MIA2: variants seen among roughly 807,000 people sequenced by gnomAD.
MIA2 encodes melanoma inhibitory activity protein 2.
A neutral mutation model predicts 167.8 loss-of-function variants in MIA2; 127 were observed. That is an observed-to-expected ratio of 0.76 (90% CI 0.66 to 0.88). The LOEUF (loss-of-function observed/expected upper bound fraction) is 0.88, where lower values mean the gene tolerates loss of function less well. MIA2 is among the 40% of genes least tolerant of loss of function. The pLI is 0.00. For synonymous variants in MIA2, 552 were observed against 541.9 expected, an observed-to-expected ratio of 1.02 and a Z score of -0.26; for missense variants, 1,690 against 1,624.7, an observed-to-expected ratio of 1.04 and a Z score of -0.69.
At chr14:39,351,521 A>T (rs80124077), downstream of MIA2, 3 of 152,198 alleles carry the variant, frequency 2.0e-5, no homozygotes, top group Non-Finnish European at 4.4e-5. Context: ...CAAAATTCTT[A>T]TGTTGAAATA....
At chr14:39,257,931 T>C (rs932772632) in intron 6 of MIA2, among the ~76,000 whole-genome samples, 1 of 152,248 alleles carries the variant, frequency 6.6e-6, no homozygotes, top group Non-Finnish European at 1.5e-5. Flanking sequence ...TTCTGGCTTA[T>C]AGGATTTCTG....
At chr14:39,315,893 A>G (rs2065325420) in intron 21 of MIA2, among the ~76,000 whole-genome samples, 175 bp downstream of exon 21, 1 of 152,208 alleles carries the variant, frequency 6.6e-6, no homozygotes, top group Admixed American at 6.5e-5. Flanking sequence ...CAACACAGTT[A>G]TTAGAAAAAT....
chr14:39,309,208 C>T (rs539021469), intron 18 of MIA2, among the ~76,000 whole-genome samples: 3 of 152,244 alleles, frequency 2.0e-5, no homozygotes, highest in South Asian at 2.1e-4. Flanking sequence ...TCCTTCTTTC[C>T]GCCCTTTCTC....
intron 23 of MIA2, chr14:39,385,399 C>A: frequency 7.8e-7 from 1 of 1,287,354 alleles, no homozygotes; most frequent in Non-Finnish European, 1.1e-6. Flanking sequence ...AGGTCATACT[C>A]AGGCAGGTTC....
At chr14:39,362,012 C>T (rs1227956525) in intron 23 of MIA2, among the ~76,000 whole-genome samples, 1 of 151,944 alleles carries the variant, frequency 6.6e-6, no homozygotes, top group Non-Finnish European at 1.5e-5. Flanking sequence ...TATGTTGAAC[C>T]ATCCTTTTAT....
chr14:39,262,032 T>G (rs1046151979), intron 6 of MIA2, among the ~76,000 whole-genome samples: 8 of 152,302 alleles, frequency 5.3e-5, no homozygotes, highest in Non-Finnish European at 8.8e-5. Flanking sequence ...TTGTTGCCAT[T>G]GCTTTTGTTG....
At chr14:39,335,068 A>G (rs1248519517) in intron 25 of MIA2, among the ~76,000 whole-genome samples, 4 of 152,136 alleles carry the variant, frequency 2.6e-5, no homozygotes, top group Admixed American at 2.0e-4. Flanking sequence ...TGGCCAAAAT[A>G]GTGAGATTCT....
At chr14:39,373,976 C>T (rs2075000075) in intron 23 of MIA2, among the ~76,000 whole-genome samples, 1 of 152,180 alleles carries the variant, frequency 6.6e-6, no homozygotes, top group African/African-American at 2.4e-5. Flanking sequence ...GCCTGGGCAA[C>T]ATAGCAAGAC....
At chr14:39,370,304 T>C (rs1050625297) in intron 23 of MIA2, 2 of 167,080 alleles carry the variant, frequency 1.2e-5, no homozygotes. Context: ...GCAGCCACAC[T>C]TTGAATCTTG....
Position 39,345,885 on chromosome 14 carries a change from T to C in MIA2, c.3656-19T>C, listed in dbSNP as rs1183999833. ...TTATATTTACATTAATGAAGACATT[T>C]TAAAAACTTATTTTCTAGGACAATC... On this transcript the variant is annotated intron_variant, in intron 25 of 28. Transcript: ENST00000640607. 30 of 1,595,300 alleles carry C rather than the reference T, an allele frequency of 1.9e-5. No homozygotes were observed. Among genetic ancestry groups the C allele is most frequent in the Non-Finnish European group, 2.4e-5 (28 of 1,172,264 alleles).
intron 23 of MIA2, among the ~76,000 whole-genome samples, chr14:39,319,856 C>CA (rs2066104851): frequency 6.6e-6 from 1 of 151,938 alleles, no homozygotes; most frequent in Non-Finnish European, 1.5e-5. Flanking sequence ...GCAGTGATCT[C>CA]AAACTATTGC....
At chr14:39,239,043 A>T (rs933162681) in intron 2 of MIA2, among the ~76,000 whole-genome samples, 3 of 152,128 alleles carry the variant, frequency 2.0e-5, no homozygotes, top group African/African-American at 7.2e-5. Flanking sequence ...GGTCGACTTG[A>T]TACATGTATC....
At chr14:39,347,265 C>T (rs1196842510) in intron 26 of MIA2, among the ~76,000 whole-genome samples, 1 of 152,090 alleles carries the variant, frequency 6.6e-6, no homozygotes, top group East Asian at 1.9e-4. Context: ...GATTGCATTT[C>T]TTGATGATAA....
At position 39,314,800 on chromosome 14, in the gene MIA2, GTA is replaced by G. The variant is rs75318507; in HGVS notation, c.3180+11_3180+12del. ...AACTATTCATTCTTATCAAGGGCAG[GTA>G]TATATATATGTGTGTGTGTGTGTGT... is the stretch of plus-strand genomic sequence containing the variant. On this transcript the variant is annotated splice_donor_variant and splice_donor_region_variant and intron_variant, in intron 20 of 28. Transcript: ENST00000640607. LOFTEE classifies it high-confidence loss of function. 292,047 of 1,074,398 alleles carry G rather than the reference GTA, an allele frequency of 0.27. 49,560 individuals carry two copies. Among genetic ancestry groups the G allele is most frequent in the East Asian group, 0.42 (15,129 of 35,994 alleles). The allele number at this position is 1,074,398 out of a possible 1,614,324, so 66.6% of individuals were successfully genotyped here.
At chr14:39,307,676 C>T (rs2063581182) in intron 17 of MIA2, among the ~76,000 whole-genome samples, 1 of 152,006 alleles carries the variant, frequency 6.6e-6, no homozygotes, top group African/African-American at 2.4e-5. Context: ...CTGAGATGTA[C>T]AGGCGTGAGC....
intron 6 of MIA2, among the ~76,000 whole-genome samples, chr14:39,274,997 C>T (rs2057744778): frequency 2.0e-5 from 3 of 149,852 alleles, no homozygotes; most frequent in Non-Finnish European, 4.4e-5. Context: ...ATTGCTTGAA[C>T]CCAGGAGACG....
At chr14:39,255,200 T>C (rs1381333225) in intron 6 of MIA2, among the ~76,000 whole-genome samples, 1 of 152,188 alleles carries the variant, frequency 6.6e-6, no homozygotes, top group African/African-American at 2.4e-5. Context: ...ATGTTGATTA[T>C]AAAACGTTCA....
intron 27 of MIA2, 74 bp from the exon 28 acceptor site, chr14:39,348,669 C>G: frequency 1.3e-6 from 2 of 1,573,240 alleles, no homozygotes; most frequent in Non-Finnish European, 1.7e-6. Flanking sequence ...ATGATTTCTT[C>G]TAAGCCTGAG....
intron 6 of MIA2, among the ~76,000 whole-genome samples, chr14:39,273,130 TTTTA>T (rs1227627781): frequency 6.6e-6 from 1 of 152,156 alleles, no homozygotes; most frequent in Non-Finnish European, 1.5e-5. Context: ...TCTGGATGCC[TTTTA>T]TTTATTTTTC....
Sources: allele counts gnomAD v4.1 joint callset (sites outside exome capture counted in the v4.1 genomes callset), GRCh38; gene constraint gnomAD v4.1.1; transcripts MANE v1.5; gene names NCBI Gene and HGNC (gene_info 2026-07-23, HGNC 2026-07-21).